The following ZNF529 variants were observed in gnomAD, a reference collection of about 807,000 sequenced individuals.
ZNF529 encodes zinc finger protein 529.
In ZNF529, 11 loss-of-function variants were observed where a neutral mutation model predicts 10.1. The observed-to-expected ratio is 1.09, with a 90% CI of 0.69 to 1.81. The LOEUF is 1.81. Ranked by LOEUF, ZNF529 falls within the 40% of genes most tolerant of loss-of-function variation. The pLI, the probability that ZNF529 is intolerant of heterozygous loss-of-function variation, is 0.00. For synonymous variants in ZNF529, 204 were observed against 215.7 expected (o/e 0.95, Z 0.47); for missense variants, 624 against 666.8 (o/e 0.94, Z 0.71).
rs371636924 is a variant in ZNF529 at position 36,547,359 on chromosome 19, C to G, written c.1199G>C (p.Gly400Ala). 6.2e-7 allele frequency: 1 copy of G among 1,613,816 alleles called. No homozygotes were observed. Among genetic ancestry groups the G allele is most frequent in the Non-Finnish European group, 8.5e-7 (1 of 1,179,972 alleles). Reference protein sequence around the residue: ...GKKPYECKACGKVFRNSSSLT... With the variant: ...GKKPYECKACAKVFRNSSSLT... ...GGATGAACTATTTCTAAAGACCTTT[C>G]CACATGCTTTGCATTCATAGGGTTT... Residue 400 changes from glycine to alanine, a missense_variant, in exon 5 of 5, where the codon GGA becomes GCA. Transcript: ENST00000591340.
upstream of ZNF529, among the ~76,000 whole-genome samples, chr19:36,575,909 C>T (rs961120008): frequency 4.6e-5 from 7 of 151,776 alleles, no homozygotes; most frequent in East Asian, 5.8e-4. Context: ...AGTGCAATGG[C>T]GTCGTCTTGG....
At chr19:36,556,570 G>A (rs2967436) in intron 2 of ZNF529, among the ~76,000 whole-genome samples, 87,679 of 152,062 alleles carry the variant, frequency 0.58, 25,645 homozygotes, top group African/African-American at 0.69. Context: ...AACATGAAAT[G>A]TAGGCTTTAA....
intron 2 of ZNF529, among the ~76,000 whole-genome samples, chr19:36,579,827 C>A (rs2036423984): frequency 6.6e-6 from 1 of 152,126 alleles, no homozygotes; most frequent in Non-Finnish European, 1.5e-5. Context: ...TACACTTAGG[C>A]TTCACTAAAT....
intron 4 of ZNF529, among the ~76,000 whole-genome samples, chr19:36,552,265 C>T (rs1007534073): frequency 6.6e-6 from 1 of 152,010 alleles, no homozygotes; most frequent in Admixed American, 6.6e-5. Flanking sequence ...CCCATCTCTA[C>T]TAAAAATACA....
chr19:36,547,438 C>A lies in ZNF529; in HGVS notation c.1120G>T (p.Ala374Ser), dbSNP rs369693393. 2 of 1,613,942 alleles carry A rather than the reference C, an allele frequency of 1.2e-6. No homozygotes were observed. Among genetic ancestry groups the A allele is most frequent in the Non-Finnish European group, 1.7e-6 (2 of 1,179,906 alleles). The change falls in exon 5 of 5, where the codon GCT (alanine) becomes TCT (serine). Residue 374 changes from alanine (A) to serine (S), a missense_variant. Physicochemically the swap from Ala to Ser is moderately conservative, Grantham distance 99. Transcript: ENST00000591340. ...GCAAGTTCTCTACATACTCCAAAAGCCTTCCCACATTCCTTACATGCATAA... is the reference window on the plus strand; with the variant it reads ...GCAAGTTCTCTACATACTCCAAAAGACTTCCCACATTCCTTACATGCATAA... ...KPYACKECGKAFGVCRELARH... is the reference protein window; with the variant it reads ...KPYACKECGKSFGVCRELARH...
At chr19:36,562,377 T>G (rs182575390) in intron 2 of ZNF529, among the ~76,000 whole-genome samples, 1 of 152,240 alleles carries the variant, frequency 6.6e-6, no homozygotes, top group East Asian at 1.9e-4. Flanking sequence ...GCCCTTTAAG[T>G]TGACTTTAAA....
At chr19:36,567,311 G>A (rs1283768318) in intron 2 of ZNF529, among the ~76,000 whole-genome samples, 2 of 152,130 alleles carry the variant, frequency 1.3e-5, no homozygotes, top group Non-Finnish European at 2.9e-5. Flanking sequence ...GAATGAAATT[G>A]CATCACTCCT....
Position 36,569,205 on chromosome 19 carries a change from TAGG to T in ZNF529, c.14+3125_14+3127del, listed in dbSNP as rs1388954636. 4.6e-5 allele frequency among the ~76,000 whole-genome samples: 7 copies of T among 152,156 alleles called. No homozygotes were observed. In the East Asian group the frequency reaches 5.8e-4, roughly 13 times the overall value. On this transcript the variant is annotated intron_variant, in intron 2 of 4. Transcript: ENST00000591340. ...AAGATCTCCAACGGTCTGCAAAAAT[TAGG>T]AGAAGTAGCTGTTTCTTCAAATGCC...
intron 4 of ZNF529, among the ~76,000 whole-genome samples, chr19:36,549,372 T>C (rs2035176484): frequency 6.6e-6 from 1 of 152,192 alleles, no homozygotes; most frequent in South Asian, 2.1e-4. Context: ...GGACATAGTA[T>C]ATGATAATTA....
At chr19:36,584,529 G>A (rs1272681443) in intron 2 of ZNF529, among the ~76,000 whole-genome samples, 1 of 152,142 alleles carries the variant, frequency 6.6e-6, no homozygotes, top group East Asian at 1.9e-4. Flanking sequence ...CACTTTGGGA[G>A]GCCAAGATGG....
chr19:36,574,453 G>A (rs73931624), upstream of ZNF529, among the ~76,000 whole-genome samples: 2 of 152,086 alleles, frequency 1.3e-5, no homozygotes, highest in African/African-American at 4.8e-5. Flanking sequence ...TGTCCGACCC[G>A]CCCACCCCCG....
At position 36,547,549 on chromosome 19, in the gene ZNF529, G is replaced by A. The variant is rs2035083826; in HGVS notation, c.1009C>T (p.Pro337Ser). 6.2e-7 allele frequency: 1 copy of A among 1,613,396 alleles called. No homozygotes were observed. The highest frequency in any genetic ancestry group is 1.3e-5 in the African/African-American group (1 of 75,020). The change falls in exon 5 of 5, where the codon CCC becomes TCC. Residue 337 changes from proline to serine, a missense_variant. By Grantham distance (74) the Pro-to-Ser change is moderately conservative. Transcript: ENST00000591340. ...TTCTCACAGTGCATACATTTGTAGG[G>A]TTTCTCACCAGTATGAATTCTCTGA... ...EHQRIHTGEKPYKCMHCEKVF... is the reference protein window; with the variant it reads ...EHQRIHTGEKSYKCMHCEKVF...
At chr19:36,552,745 T>C (rs1052710149) in intron 4 of ZNF529, among the ~76,000 whole-genome samples, 3 of 152,160 alleles carry the variant, frequency 2.0e-5, no homozygotes, top group Admixed American at 6.5e-5. Flanking sequence ...ATTTTTAAAA[T>C]ACAGCTTTGA....
intron 2 of ZNF529, among the ~76,000 whole-genome samples, chr19:36,565,002 A>T (rs142216611): frequency 2.1e-3 from 319 of 152,330 alleles, no homozygotes; most frequent in African/African-American, 7.2e-3. Context: ...AGAAAATCAA[A>T]TACTGCATGT....
At chr19:36,559,586 C>T (rs113210626) in intron 2 of ZNF529, among the ~76,000 whole-genome samples, 10 of 152,296 alleles carry the variant, frequency 6.6e-5, no homozygotes, top group South Asian at 2.1e-4. Context: ...GAATTACAGG[C>T]GTGAGCCACC....
chr19:36,598,896 C>A (rs1278503588), intron 1 of ZNF529, among the ~76,000 whole-genome samples: 1 of 152,150 alleles, frequency 6.6e-6, no homozygotes, highest in Non-Finnish European at 1.5e-5. Context: ...CCTGCTCTTT[C>A]TTATAAAGCT....
intron 2 of ZNF529, among the ~76,000 whole-genome samples, chr19:36,558,226 G>A (rs1368338931): frequency 1.3e-5 from 2 of 151,898 alleles, no homozygotes; most frequent in African/African-American, 2.4e-5. Context: ...CCAGAAGAGA[G>A]GTGAGAGAGA....
At chr19:36,574,798 T>G (rs1273768176), upstream of ZNF529, 2 of 470,826 alleles carry the variant, frequency 4.2e-6, no homozygotes, top group Non-Finnish European at 8.8e-6. Context: ...TTTTCTGTTG[T>G]TGAACATTTG....
chr19:36,546,156 ATATAG>A lies in ZNF529; in HGVS notation c.*705_*709del, dbSNP rs1360131933. On this transcript the variant is annotated 3_prime_UTR_variant, in exon 5 of 5. Coordinates refer to ENST00000591340, the MANE Select transcript of ZNF529 (RefSeq NM_020951.5). ...TATACATCACACACTATATACACAC[ATATAG>A]TATATGTGATATGTATAGTATACAT... 1 of 150,958 alleles carries A rather than the reference ATATAG, an allele frequency of 6.6e-6. No individual in the cohort carries two copies. Among genetic ancestry groups the A allele is most frequent in the East Asian group, 1.9e-4 (1 of 5,158 alleles). 9.4% of individuals were successfully genotyped at this position (150,958 alleles called of 1,614,324 possible).
Sources: allele counts gnomAD v4.1 joint callset (sites outside exome capture counted in the v4.1 genomes callset), GRCh38; gene constraint gnomAD v4.1.1; transcripts MANE v1.5; gene names NCBI Gene and HGNC (gene_info 2026-07-23, HGNC 2026-07-21).